The following SLC44A5 variants were observed in gnomAD, a reference collection of about 807,000 sequenced individuals.
The protein encoded by SLC44A5 is solute carrier family 44 member 5, also known as choline transporter-like protein 5.
A neutral mutation model predicts 101.8 loss-of-function variants in SLC44A5; 57 were observed. The ratio of observed to expected loss-of-function variants is 0.56; its 90% CI spans 0.45 to 0.70. The LOEUF (loss-of-function observed/expected upper bound fraction) is 0.70. Among genes scored for constraint, SLC44A5 ranks in the 30% least tolerant of loss-of-function variants. The pLI, the probability that SLC44A5 is intolerant of heterozygous loss-of-function variation, is 0.00. For missense variants in SLC44A5, 737 were observed against 853.1 expected (o/e 0.86, Z 1.70); for synonymous variants, 281 against 290.9 (o/e 0.97, Z 0.35).
chr1:75,675,048 C>G, the SLC44A5 span, among the ~76,000 whole-genome samples: 1 of 152,134 alleles, frequency 6.6e-6, no homozygotes, highest in African/African-American at 2.4e-5. Flanking sequence ...TAGCATGATG[C>G]CTTCAGCTTT....
intron 1 of SLC44A5, 113 bp downstream of exon 1, chr1:75,610,927 A>ATG (rs58374130): frequency 0.049 from 10,770 of 218,606 alleles, 316 homozygotes; most frequent in East Asian, 0.082. Flanking sequence ...CACTATATAT[A>ATG]TGTGTGTGTG....
chr1:75,722,429 G>A, the SLC44A5 span, among the ~76,000 whole-genome samples: 1 of 152,222 alleles, frequency 6.6e-6, no homozygotes, highest in Non-Finnish European at 1.5e-5. Flanking sequence ...TGAGTAAGCA[G>A]CAAACTGTTT....
At chr1:75,441,598 A>G (rs962540682) in intron 2 of SLC44A5, among the ~76,000 whole-genome samples, 14 of 151,610 alleles carry the variant, frequency 9.2e-5, no homozygotes, top group Non-Finnish European at 1.8e-4. Flanking sequence ...TGGTTGAATT[A>G]AAAAAATATA....
chr1:75,208,107 G>A (rs987080632), intron 23 of SLC44A5, among the ~76,000 whole-genome samples: 57 of 152,154 alleles, frequency 3.7e-4, no homozygotes, highest in African/African-American at 1.3e-3. Flanking sequence ...GAGTTAATAA[G>A]AAATAAACTT....
chr1:75,604,903 C>A lies in SLC44A5; in HGVS notation c.-70+6137G>T, dbSNP rs1675231292. Among the ~76,000 whole-genome samples the A allele has an allele frequency of 5.3e-5, 8 of 151,942 alleles. No homozygotes were observed. In the South Asian group the frequency reaches 1.5e-3, roughly 28 times the overall value. On this transcript the variant is annotated intron_variant, in intron 1 of 23. Coordinates refer to ENST00000370859, the MANE Select transcript of SLC44A5 (RefSeq NM_001130058.2). ...ACTTTACTGAAGTCATTTTTCAGTT[C>A]CAAAAGTCTTTGGCAGTCTTTAGGG...
At chr1:75,438,392 CT>C (rs1665007436) in intron 2 of SLC44A5, among the ~76,000 whole-genome samples, 1 of 152,190 alleles carries the variant, frequency 6.6e-6, no homozygotes, top group South Asian at 2.1e-4. Context: ...ATAAAACATT[CT>C]GCTTTAAAGA....
At chr1:75,642,273 T>C in the SLC44A5 span, among the ~76,000 whole-genome samples, 5 of 152,178 alleles carry the variant, frequency 3.3e-5, no homozygotes, top group Non-Finnish European at 1.5e-5. Context: ...TGTTCTTAGA[T>C]ACCATTGCTT....
chr1:75,677,590 A>G, the SLC44A5 span: 23 of 291,132 alleles, frequency 7.9e-5, no homozygotes, highest in South Asian at 5.1e-4. Flanking sequence ...CCACAAAACA[A>G]CTGGAAAACT....
chr1:75,313,890 T>C (rs2100926603), intron 4 of SLC44A5, among the ~76,000 whole-genome samples: 1 of 152,270 alleles, frequency 6.6e-6, no homozygotes, highest in Admixed American at 6.5e-5. Context: ...TTTGTGGTTA[T>C]ATGGAAAGGA....
intron 13 of SLC44A5, among the ~76,000 whole-genome samples, chr1:75,226,230 T>C (rs1647191312): frequency 2.0e-5 from 3 of 152,074 alleles, no homozygotes; most frequent in Admixed American, 6.6e-5. Flanking sequence ...AGTAAGAAGT[T>C]GGAGTTTGAT....
At chr1:75,533,594 T>C (rs1311930017) in intron 2 of SLC44A5, among the ~76,000 whole-genome samples, 2 of 152,200 alleles carry the variant, frequency 1.3e-5, no homozygotes, top group Non-Finnish European at 2.9e-5. Flanking sequence ...CACTGCACCC[T>C]TGTGTCCAAC....
chr1:75,248,871 T>C (rs1327225893), intron 7 of SLC44A5, among the ~76,000 whole-genome samples: 1 of 152,032 alleles, frequency 6.6e-6, no homozygotes, highest in Non-Finnish European at 1.5e-5. Flanking sequence ...ATTGAGAATG[T>C]TTATACAGGA....
chr1:75,686,978 T>C, the SLC44A5 span, among the ~76,000 whole-genome samples: 1 of 152,216 alleles, frequency 6.6e-6, no homozygotes, highest in Non-Finnish European at 1.5e-5. Flanking sequence ...TAAATACTAA[T>C]GCTTTTTGAC....
chr1:75,685,036 C>G, the SLC44A5 span, among the ~76,000 whole-genome samples: 2 of 152,196 alleles, frequency 1.3e-5, no homozygotes, highest in Non-Finnish European at 2.9e-5. Context: ...AACCTCAATT[C>G]TCAACTTCTG....
chr1:75,647,867 G>A, the SLC44A5 span, among the ~76,000 whole-genome samples: 1 of 152,174 alleles, frequency 6.6e-6, no homozygotes, highest in African/African-American at 2.4e-5. Flanking sequence ...CTCCTAAGTG[G>A]AAGAGACTTG....
chr1:75,251,074 T>G, intron 7 of SLC44A5, 136 bp downstream of exon 7: 1 of 688,808 alleles, frequency 1.5e-6, no homozygotes, highest in South Asian at 1.7e-5. Flanking sequence ...TACTTATATC[T>G]TCCCATCGTC....
At chr1:75,367,267 T>A (rs954970525) in intron 3 of SLC44A5, among the ~76,000 whole-genome samples, 2 of 152,300 alleles carry the variant, frequency 1.3e-5, no homozygotes, top group East Asian at 1.9e-4. Context: ...GGTCACATAG[T>A]TCTTGCTGGG....
intron 7 of SLC44A5, among the ~76,000 whole-genome samples, chr1:75,250,869 G>T (rs1649511467): frequency 6.6e-6 from 1 of 152,084 alleles, no homozygotes; most frequent in Non-Finnish European, 1.5e-5. Flanking sequence ...GAAAAACGTG[G>T]TTTGTTAGTT....
chr1:75,212,775 G>T (rs181900862), intron 22 of SLC44A5, among the ~76,000 whole-genome samples: 1 of 152,042 alleles, frequency 6.6e-6, no homozygotes, highest in Non-Finnish European at 1.5e-5. Flanking sequence ...GATAAAACTG[G>T]CAGTGGGGGA....
Sources: allele counts gnomAD v4.1 joint callset (sites outside exome capture counted in the v4.1 genomes callset), GRCh38; gene constraint gnomAD v4.1.1; transcripts MANE v1.5; gene names NCBI Gene and HGNC (gene_info 2026-07-23, HGNC 2026-07-21).